Variants in TCF7L2 observed in about 807,000 individuals in gnomAD.
The protein encoded by TCF7L2 is transcription factor 7-like 2.
TCF7L2 carries 23 observed loss-of-function variants against 77.9 expected under a neutral mutation model. The ratio of observed to expected loss-of-function variants is 0.30; its 90% confidence interval spans 0.21 to 0.42. The LOEUF is 0.42. Among genes scored for constraint, TCF7L2 ranks in the 10% least tolerant of loss-of-function variants. The probability of loss-of-function intolerance (pLI) is 1.00; values close to 1 mark genes in which losing one functional copy is unlikely to be tolerated. For missense variants in TCF7L2, 654 were observed against 793.1 expected (o/e 0.82, Z 2.11); for synonymous variants, 413 against 340.2 (o/e 1.21, Z -2.36).
chr10:113,165,865 CCCT>C lies in TCF7L2; in HGVS notation c.1707_1709del (p.Ser571del). On this transcript the variant is annotated inframe_deletion, in exon 14 of 14. Transcript: ENST00000627217. ...CCCAGCCGCTTTGCAGCCTGCCGCC[CCCT>C]CCTCATCAATTGCACAGCCGTCGAC... 2 of 1,607,306 alleles carry C rather than the reference CCCT, an allele frequency of 1.2e-6. No individual in the cohort carries two copies. The highest frequency in any genetic ancestry group is 8.5e-7 in the Non-Finnish European group (1 of 1,175,716).
intron 4 of TCF7L2, among the ~76,000 whole-genome samples, chr10:113,008,392 G>A (rs372548453): frequency 2.0e-5 from 3 of 152,292 alleles, no homozygotes; most frequent in East Asian, 1.9e-4. Context: ...GTCTCTCTGC[G>A]TAGCGGCACT....
intron 5 of TCF7L2, among the ~76,000 whole-genome samples, chr10:113,078,848 T>TC (rs2059012419): frequency 6.6e-6 from 1 of 151,960 alleles, no homozygotes; most frequent in Admixed American, 6.6e-5. Flanking sequence ...TTTTTTTTTT[T>TC]CTGAGATGGA....
intron 3 of TCF7L2, among the ~76,000 whole-genome samples, chr10:112,955,313 C>A (rs951526239): frequency 6.6e-6 from 1 of 152,092 alleles, no homozygotes; most frequent in Non-Finnish European, 1.5e-5. Flanking sequence ...ATATTTATGG[C>A]GAACATGTTT....
chr10:113,094,922 C>T (rs1438224327), intron 5 of TCF7L2, among the ~76,000 whole-genome samples: 1 of 152,096 alleles, frequency 6.6e-6, no homozygotes. Context: ...AGTTTGAGAC[C>T]AGCCTGGCCA....
At chr10:113,001,815 A>G (rs1408819032) in intron 4 of TCF7L2, among the ~76,000 whole-genome samples, 1 of 152,232 alleles carries the variant, frequency 6.6e-6, no homozygotes, top group Admixed American at 6.5e-5. Context: ...TGGCTTCACT[A>G]AGATAGTCTT....
chr10:112,951,712 CCG>C, intron 3 of TCF7L2, 105 bp downstream of exon 3: 1 of 519,460 alleles, frequency 1.9e-6, no homozygotes, highest in Non-Finnish European at 2.5e-6. Context: ...CTCCCCCTCC[CCG>C]CCTCCTCCCC....
intron 4 of TCF7L2, among the ~76,000 whole-genome samples, chr10:112,970,185 T>C (rs576228097): frequency 2.9e-4 from 44 of 152,006 alleles, no homozygotes; most frequent in African/African-American, 1.0e-3. Flanking sequence ...TGTGTGTGTG[T>C]GCATGTGCGC....
chr10:112,973,463 C>G (rs564139236), intron 4 of TCF7L2, among the ~76,000 whole-genome samples: 11 of 152,112 alleles, frequency 7.2e-5, no homozygotes, highest in Non-Finnish European at 7.3e-5. Flanking sequence ...AGTGAGCAGG[C>G]CAGGTTGAGG....
chr10:113,090,850 C>T (rs1055678790), intron 5 of TCF7L2, among the ~76,000 whole-genome samples: 3 of 152,078 alleles, frequency 2.0e-5, no homozygotes, highest in Admixed American at 6.6e-5. Context: ...CCTCGTGATC[C>T]GCCCGCCTCG....
At chr10:113,057,515 ATGGGACTTCTGT>A (rs2055607389) in intron 5 of TCF7L2, among the ~76,000 whole-genome samples, 1 of 152,184 alleles carries the variant, frequency 6.6e-6, no homozygotes, top group Non-Finnish European at 1.5e-5. Context: ...TCTTGCTCTC[ATGGGACTTCTGT>A]TGGGGGTCAG....
At chr10:113,048,565 C>T (rs1416518022) in intron 5 of TCF7L2, among the ~76,000 whole-genome samples, 2 of 152,222 alleles carry the variant, frequency 1.3e-5, no homozygotes, top group Non-Finnish European at 2.9e-5. Context: ...CGTGTGTCTA[C>T]TTTCTACCTG....
chr10:113,072,039 T>A (rs987740217), intron 5 of TCF7L2, among the ~76,000 whole-genome samples: 1 of 144,090 alleles, frequency 6.9e-6, no homozygotes, highest in Admixed American at 6.9e-5. Context: ...AATTTTTAAT[T>A]TTATTTTAAT....
intron 4 of TCF7L2, among the ~76,000 whole-genome samples, chr10:113,006,862 C>T (rs2045641295): frequency 6.6e-6 from 1 of 152,340 alleles, no homozygotes; most frequent in Admixed American, 6.5e-5. Flanking sequence ...CTGCTCACCC[C>T]TCCGGCCACG....
At chr10:113,140,708 G>C (rs1360622575) in intron 5 of TCF7L2, among the ~76,000 whole-genome samples, 1 of 152,188 alleles carries the variant, frequency 6.6e-6, no homozygotes, top group Admixed American at 6.5e-5. Flanking sequence ...GGGTGGCTAA[G>C]GAGGCTGGCT....
At chr10:112,997,736 T>C (rs1303545255) in intron 4 of TCF7L2, among the ~76,000 whole-genome samples, 1 of 152,180 alleles carries the variant, frequency 6.6e-6, no homozygotes, top group African/African-American at 2.4e-5. Flanking sequence ...ATCTTAGGAC[T>C]GGAGTCAGGT....
chr10:113,065,182 A>T (rs1344355427), intron 5 of TCF7L2, among the ~76,000 whole-genome samples: 8 of 152,224 alleles, frequency 5.3e-5, no homozygotes, highest in African/African-American at 1.9e-4. Flanking sequence ...CAGTGCAGGC[A>T]AGGTGTTTAG....
At chr10:113,014,691 A>C (rs1429378298) in intron 4 of TCF7L2, among the ~76,000 whole-genome samples, 1 of 152,146 alleles carries the variant, frequency 6.6e-6, no homozygotes, top group East Asian at 1.9e-4. Flanking sequence ...AGGCTGAGGC[A>C]GGGAGAATTG....
At chr10:113,020,072 T>C (rs888217208) in intron 4 of TCF7L2, among the ~76,000 whole-genome samples, 1 of 152,200 alleles carries the variant, frequency 6.6e-6, no homozygotes, top group African/African-American at 2.4e-5. Context: ...TGGAAAGTGC[T>C]GTGGCCCGAG....
At chr10:113,103,384 G>A (rs1336916408) in intron 5 of TCF7L2, among the ~76,000 whole-genome samples, 2 of 152,028 alleles carry the variant, frequency 1.3e-5, no homozygotes, top group Admixed American at 6.6e-5. Flanking sequence ...TTTGTTTTGT[G>A]TGTGTGGTTT....
Sources: gnomAD v4.1 joint callset for allele counts (sites outside exome capture counted in the v4.1 genomes callset) on GRCh38, gnomAD v4.1.1 for gene constraint, MANE v1.5 for transcripts, NCBI Gene and HGNC (gene_info 2026-07-23, HGNC 2026-07-21) for gene names.